NUCKS1: variants seen among roughly 807,000 people sequenced by gnomAD.
The protein encoded by NUCKS1 is nuclear ubiquitous casein and cyclin-dependent kinase substrate 1.
In NUCKS1, 2 loss-of-function variants were observed where a neutral mutation model predicts 33.0. The ratio of observed to expected loss-of-function variants is 0.06; its 90% CI spans 0.02 to 0.19. The LOEUF (loss-of-function observed/expected upper bound fraction) is 0.19, where lower values mean the gene tolerates loss of function less well. Among genes scored for constraint, NUCKS1 ranks in the 10% least tolerant of loss-of-function variants. The pLI, the probability that NUCKS1 is intolerant of heterozygous loss-of-function variation, is 1.00. For missense variants in NUCKS1, 201 were observed against 293.6 expected, an observed-to-expected ratio of 0.68 and a Z score of 2.31; for synonymous variants, 106 against 102.8, an observed-to-expected ratio of 1.03 and a Z score of -0.19.
In NUCKS1 at chr1:205,713,273, A is replaced by G. The variant is rs1671773990; in HGVS notation, c.*5007T>C. 1 of 152,176 alleles carries G rather than the reference A, an allele frequency of 6.6e-6. No individual in the cohort carries two copies. Among genetic ancestry groups the G allele is most frequent in the Non-Finnish European group, 1.5e-5 (1 of 68,038 alleles). 9.4% of individuals were successfully genotyped at this position (152,176 alleles called of 1,614,324 possible). A position where few individuals can be genotyped will look rare whatever the true frequency, so the allele number is the denominator to read the frequency against. On this transcript the variant is annotated 3_prime_UTR_variant, in exon 7 of 7. Coordinates refer to ENST00000367142, the MANE Select transcript of NUCKS1 (RefSeq NM_022731.5). ...TACAAAAGAAAAAAAGATACAGAAA[A>G]AGAATAACTTGCTTCATATGTCCCA...
At chr1:205,738,028 C>T (rs1428301559) in intron 1 of NUCKS1, among the ~76,000 whole-genome samples, 2 of 152,096 alleles carry the variant, frequency 1.3e-5, no homozygotes, top group Non-Finnish European at 2.9e-5. Context: ...CTATTTTTAT[C>T]TTTTATTTAT....
chr1:205,749,888 C>A lies in NUCKS1; in HGVS notation c.17+69G>T. ...GGGATGGCGGACTCTAGCCTTCTGT[C>A]CCCCACTCTTTTCACCACTCGCCCC... On this transcript the variant is annotated intron_variant, in intron 1 of 6. Coordinates refer to ENST00000367142, the MANE Select transcript of NUCKS1 (RefSeq NM_022731.5). 7 of 1,503,744 alleles carry A rather than the reference C, an allele frequency of 4.7e-6. No homozygotes were observed. The Middle Eastern group carries it at 5.1e-4, about 110-fold the overall frequency. 93.2% of individuals were successfully genotyped at this position (1,503,744 alleles called of 1,614,324 possible).
At chr1:205,743,031 T>C (rs1044400195) in intron 1 of NUCKS1, among the ~76,000 whole-genome samples, 6 of 151,786 alleles carry the variant, frequency 4.0e-5, no homozygotes, top group Admixed American at 3.3e-4. Flanking sequence ...TGCTCAATAC[T>C]TTTTAAGTTC....
chr1:205,735,321 T>C (rs114064863), intron 1 of NUCKS1, among the ~76,000 whole-genome samples: 212 of 152,352 alleles, frequency 1.4e-3, no homozygotes, highest in African/African-American at 4.9e-3. Flanking sequence ...TATACATGTT[T>C]GTAGTCTAGG....
At position 205,718,111 on chromosome 1, in the gene NUCKS1, G is replaced by T; in HGVS notation, c.*169C>A. 2 of 1,216,968 alleles carry T rather than the reference G, an allele frequency of 1.6e-6. No homozygotes were observed. Among genetic ancestry groups the T allele is most frequent in the African/African-American group, 1.6e-5 (1 of 62,710 alleles). The allele number at this position is 1,216,968 out of a possible 1,614,324, so 75.4% of individuals were successfully genotyped here. On this transcript the variant is annotated 3_prime_UTR_variant, in exon 7 of 7. Coordinates refer to ENST00000367142, the MANE Select transcript of NUCKS1 (RefSeq NM_022731.5). ...AAAAAAAAAAAAAAAAAAAGAGAGA[G>T]AGAGAGAAATGTTACTTTCAACAAA...
intron 1 of NUCKS1, among the ~76,000 whole-genome samples, chr1:205,743,476 C>A (rs993185555): frequency 5.3e-5 from 8 of 152,198 alleles, no homozygotes; most frequent in African/African-American, 1.9e-4. Flanking sequence ...ACCACTTAAC[C>A]TATTTGTAAC....
chr1:205,719,836 TGG>T (rs1671890296), intron 5 of NUCKS1, 160 bp from the exon 6 acceptor site: 2 of 641,518 alleles, frequency 3.1e-6, no homozygotes, highest in East Asian at 5.8e-5. Flanking sequence ...GAGTCATCAC[TGG>T]CCTCATTTGT....
At chr1:205,733,154 C>G (rs1653956920) in intron 1 of NUCKS1, among the ~76,000 whole-genome samples, 2 of 152,130 alleles carry the variant, frequency 1.3e-5, no homozygotes, top group African/African-American at 4.8e-5. Flanking sequence ...TGGCAACTAA[C>G]ATATTATTAC....
chr1:205,732,370 A>G (rs2102439342), intron 1 of NUCKS1, among the ~76,000 whole-genome samples: 1 of 152,282 alleles, frequency 6.6e-6, no homozygotes, highest in Non-Finnish European at 1.5e-5. Flanking sequence ...TGGTTGCCAG[A>G]GGCTGGAAGA....
At chr1:205,737,496 T>G (rs540544945) in intron 1 of NUCKS1, among the ~76,000 whole-genome samples, 96 of 152,342 alleles carry the variant, frequency 6.3e-4, no homozygotes, top group Non-Finnish European at 1.3e-3. Flanking sequence ...TAACAATCTA[T>G]TTATTTGTCA....
At position 205,750,061 on chromosome 1, in the gene NUCKS1, T is replaced by A; in HGVS notation, c.-88A>T. 1 of 848,104 alleles carries A rather than the reference T, an allele frequency of 1.2e-6. No homozygotes were observed. Among genetic ancestry groups the A allele is most frequent in the African/African-American group, 3.5e-5 (1 of 28,530 alleles). 52.5% of individuals were successfully genotyped at this position (848,104 alleles called of 1,614,324 possible). A position where few individuals can be genotyped will look rare whatever the true frequency, so the allele number is the denominator to read the frequency against. On this transcript the variant is annotated 5_prime_UTR_variant, in exon 1 of 7. It adds an upstream start codon to the 5' untranslated region. Transcript: ENST00000367142. The stretch of plus-strand genomic sequence containing the variant: ...GCTCGGCGCCCCACCCCCCCCGAAC[T>A]TCAGCCGATGGGACCGCTGCTGCCG...
In NUCKS1 at chr1:205,727,711, T is replaced by C; in HGVS notation, c.162A>G (p.Ser54=). 1 of 1,611,668 alleles carries C rather than the reference T, an allele frequency of 6.2e-7. No individual in the cohort carries two copies. Among genetic ancestry groups the C allele is most frequent in the Non-Finnish European group, 8.5e-7 (1 of 1,177,898 alleles). ...AKNKRRSGKN[S]QEDSEDSEDK... is the part of the protein sequence containing the mutation. The stretch of plus-strand genomic sequence containing the variant: ...ACAATGCCTCTTACCTATCTTCCTG[T>C]GAATTCTTTCCAGATCGCCTCTTAT... Residue 54 remains serine (S), a synonymous_variant, in exon 3 of 7, where the codon TCA becomes TCG. Transcript: ENST00000367142.
At position 205,715,627 on chromosome 1, in the gene NUCKS1, G is replaced by A. The variant is rs1292305656; in HGVS notation, c.*2653C>T. On this transcript the variant is annotated 3_prime_UTR_variant, in exon 7 of 7. Transcript: ENST00000367142. ...GAAAAAAAATCTTAAGAACTAGAAT[G>A]TAGTGTCAGTCAGCATAGCTGCTGA... 6.6e-6 allele frequency: 1 copy of A among 152,282 alleles called. No individual in the cohort carries two copies. The highest frequency in any genetic ancestry group is 1.5e-5 in the Non-Finnish European group (1 of 68,068). The allele number at this position is 152,282 out of a possible 1,614,324, so 9.4% of individuals were successfully genotyped here.
At chr1:205,730,395 CTGTTA>C (rs1375031482) in intron 1 of NUCKS1, among the ~76,000 whole-genome samples, 1 of 151,998 alleles carries the variant, frequency 6.6e-6, no homozygotes, top group Non-Finnish European at 1.5e-5. Context: ...ACTTAACATT[CTGTTA>C]TAAGAAAGCA....
At chr1:205,733,212 A>G (rs1383479125) in intron 1 of NUCKS1, among the ~76,000 whole-genome samples, 2 of 152,264 alleles carry the variant, frequency 1.3e-5, no homozygotes, top group Non-Finnish European at 2.9e-5. Context: ...ATGAAACTAC[A>G]TAAGGATGGA....
intron 1 of NUCKS1, among the ~76,000 whole-genome samples, chr1:205,737,026 C>T (rs1481154836): frequency 6.6e-6 from 1 of 152,066 alleles, no homozygotes; most frequent in African/African-American, 2.4e-5. Context: ...AATACTAGGG[C>T]TCCTTTTTAA....
At chr1:205,724,554 C>T (rs993409279) in intron 3 of NUCKS1, among the ~76,000 whole-genome samples, 2 of 151,918 alleles carry the variant, frequency 1.3e-5, no homozygotes, top group African/African-American at 4.8e-5. Context: ...ATTAGCCAGG[C>T]GTGGTGGTGC....
intron 6 of NUCKS1, among the ~76,000 whole-genome samples, chr1:205,718,820 G>A (rs1671872741): frequency 6.6e-6 from 1 of 152,148 alleles, no homozygotes; most frequent in Non-Finnish European, 1.5e-5. Context: ...TATGATAAAA[G>A]TTGTTTATAA....
intron 1 of NUCKS1, among the ~76,000 whole-genome samples, chr1:205,739,913 T>G (rs1390477779): frequency 6.6e-6 from 1 of 151,496 alleles, no homozygotes; most frequent in East Asian, 2.0e-4. Context: ...TTACAGTAGC[T>G]TCATTTATCT....
Sources: allele counts gnomAD v4.1 joint callset (sites outside exome capture counted in the v4.1 genomes callset), GRCh38; gene constraint gnomAD v4.1.1; transcripts MANE v1.5; gene names NCBI Gene and HGNC (gene_info 2026-07-23, HGNC 2026-07-21).